The following P2RY14 variants were observed in gnomAD, a reference collection of about 807,000 sequenced individuals.
P2RY14 encodes the protein purinergic receptor P2Y14, also known as P2Y purinoceptor 14.
A neutral mutation model predicts 0.9 loss-of-function variants in P2RY14; 2 were observed. The ratio of observed to expected loss-of-function variants is 2.16; its 90% CI spans 0.88 to 6.79. P2RY14 has a LOEUF of 6.79. Among genes scored for constraint, P2RY14 ranks in the 30% most tolerant of loss-of-function variants. The probability of loss-of-function intolerance (pLI) is 0.05; values close to 1 mark genes in which losing one functional copy is unlikely to be tolerated. For missense variants in P2RY14, 378 were observed against 400.1 expected (o/e 0.94, Z 0.47); for synonymous variants, 158 against 147.2 (o/e 1.07, Z -0.53).
intron 1 of P2RY14, among the ~76,000 whole-genome samples, chr3:151,233,264 C>A (rs1272329975): frequency 6.6e-6 from 1 of 152,202 alleles, no homozygotes; most frequent in Non-Finnish European, 1.5e-5. Flanking sequence ...GCTACGCTGT[C>A]TTGTCATCTC....
At chr3:151,246,863 C>CCTA (rs1344888584) in intron 1 of P2RY14, among the ~76,000 whole-genome samples, 1 of 152,112 alleles carries the variant, frequency 6.6e-6, no homozygotes, top group African/African-American at 2.4e-5. Context: ...CTTTTCGCAA[C>CCTA]CTACTCATCT....
At chr3:151,242,196 G>A (rs1304528303) in intron 1 of P2RY14, among the ~76,000 whole-genome samples, 3 of 152,228 alleles carry the variant, frequency 2.0e-5, no homozygotes, top group Non-Finnish European at 2.9e-5. Context: ...ACGGCTGGGG[G>A]AGGGGCGCCC....
At chr3:151,227,302 C>G (rs1472029012) in intron 1 of P2RY14, among the ~76,000 whole-genome samples, 1 of 152,196 alleles carries the variant, frequency 6.6e-6, no homozygotes, top group East Asian at 1.9e-4. Flanking sequence ...AAATTCGGCC[C>G]TCTCTTGATT....
chr3:151,257,842 C>T (rs1351720212), intron 1 of P2RY14, among the ~76,000 whole-genome samples: 2 of 152,182 alleles, frequency 1.3e-5, no homozygotes, highest in African/African-American at 4.8e-5. Context: ...AGATGAGAGT[C>T]ACACAAATTT....
In P2RY14 at chr3:151,263,742, G is replaced by C. The variant is rs555556201; in HGVS notation, c.-133+14545C>G. ...ATTAAGAATGCAGGCTACAGGGTTG[G>C]AATTCCTGGATTCCCGTACCACCCC... On this transcript the variant is annotated intron_variant, in intron 1 of 2. Coordinates refer to ENST00000309170, the MANE Select transcript of P2RY14 (RefSeq NM_014879.4). 9.1e-5 allele frequency among the ~76,000 whole-genome samples: 12 copies of C among 131,804 alleles called. No individual in the cohort carries two copies. The South Asian group carries it at 2.9e-3, about 32-fold the overall frequency. The allele number at this position is 131,804 out of a possible 152,430, so 86.5% of individuals were successfully genotyped here.
chr3:151,250,727 G>A (rs6809692), intron 1 of P2RY14, among the ~76,000 whole-genome samples: 71,994 of 152,046 alleles, frequency 0.47, 17,400 homozygotes, highest in Middle Eastern at 0.61. Flanking sequence ...TGCTATGAAA[G>A]TGGGTATACA....
chr3:151,246,044 C>G (rs1393774521), intron 1 of P2RY14, among the ~76,000 whole-genome samples: 21 of 151,250 alleles, frequency 1.4e-4, no homozygotes, highest in Admixed American at 1.1e-3. Context: ...AATAAAATAC[C>G]TAGGAATCCA....
intron 1 of P2RY14, among the ~76,000 whole-genome samples, chr3:151,229,178 G>A (rs1731113054): frequency 6.6e-6 from 1 of 152,122 alleles, no homozygotes; most frequent in Admixed American, 6.5e-5. Flanking sequence ...GTACAGAAGT[G>A]ATTCCCATAT....
chr3:151,242,407 C>T (rs1241053817), intron 1 of P2RY14, among the ~76,000 whole-genome samples: 4 of 152,206 alleles, frequency 2.6e-5, no homozygotes, highest in South Asian at 2.1e-4. Context: ...GTGGTTCTCC[C>T]AGCACGCAGC....
chr3:151,275,249 C>A (rs113739348), intron 1 of P2RY14, among the ~76,000 whole-genome samples: 1 of 152,064 alleles, frequency 6.6e-6, no homozygotes, highest in Non-Finnish European at 1.5e-5. Context: ...GTACAGATCG[C>A]TTTGGGCCAA....
intron 1 of P2RY14, among the ~76,000 whole-genome samples, chr3:151,261,203 G>A (rs1057166569): frequency 7.2e-5 from 11 of 152,094 alleles, no homozygotes; most frequent in African/African-American, 2.7e-4. Flanking sequence ...GAATGAGACA[G>A]ATTAGAGAGG....
chr3:151,225,520 T>C (rs1474653610), intron 1 of P2RY14, among the ~76,000 whole-genome samples: 1 of 152,136 alleles, frequency 6.6e-6, no homozygotes, highest in East Asian at 1.9e-4. Context: ...GCTATCATGA[T>C]CTAATCATCT....
intron 1 of P2RY14, among the ~76,000 whole-genome samples, chr3:151,233,471 C>T (rs1268998885): frequency 3.9e-5 from 6 of 152,202 alleles, no homozygotes; most frequent in African/African-American, 7.2e-5. Context: ...TGATGGCTCC[C>T]GCCTGTAATC....
intron 1 of P2RY14, among the ~76,000 whole-genome samples, chr3:151,230,464 A>G (rs992170207): frequency 6.6e-5 from 10 of 152,184 alleles, no homozygotes; most frequent in African/African-American, 2.4e-4. Flanking sequence ...ATGTAAAAAA[A>G]TTCTGATAAA....
At chr3:151,255,272 G>T (rs1386085409) in intron 1 of P2RY14, among the ~76,000 whole-genome samples, 1 of 152,146 alleles carries the variant, frequency 6.6e-6, no homozygotes, top group Non-Finnish European at 1.5e-5. Context: ...TAAAAATGCT[G>T]TTTTGGGATT....
rs1463227195 is a variant in P2RY14 at position 151,214,353 on chromosome 3, G to C, written c.-24-13C>G. 6.4e-7 allele frequency: 1 copy of C among 1,570,700 alleles called. No homozygotes were observed. The highest frequency in any genetic ancestry group is 8.7e-7 in the Non-Finnish European group (1 of 1,151,394). ...TGAAGGCAGAGGCCTGAAAAGAGGTGTGAACTGGTCACTCATAGGGCACTT... is the reference window on the plus strand; with the variant it reads ...TGAAGGCAGAGGCCTGAAAAGAGGTCTGAACTGGTCACTCATAGGGCACTT... On this transcript the variant is annotated splice_polypyrimidine_tract_variant and intron_variant, in intron 2 of 2. Coordinates refer to ENST00000309170, the MANE Select transcript of P2RY14 (RefSeq NM_014879.4).
At chr3:151,265,822 T>G (rs752438434) in intron 1 of P2RY14, among the ~76,000 whole-genome samples, 2 of 152,114 alleles carry the variant, frequency 1.3e-5, no homozygotes, top group Non-Finnish European at 2.9e-5. Flanking sequence ...TCCCTGCAAA[T>G]TAAAGTCAGA....
At position 151,213,697 on chromosome 3, in the gene P2RY14, G is replaced by C; in HGVS notation, c.620C>G (p.Thr207Ser). 2.5e-6 allele frequency: 4 copies of C among 1,614,200 alleles called. No homozygotes were observed. The highest frequency in any genetic ancestry group is 2.2e-5 in the East Asian group (1 of 44,888). Reference sequence around the variant, plus strand: ...CTTAAAGATTTTCTTTGTGATAGCAGTATAGAAAACGATTAACAAAAGAAA... The same window carrying C: ...CTTAAAGATTTTCTTTGTGATAGCACTATAGAAAACGATTAACAAAAGAAA... The part of the protein sequence containing the change: ...IVFLLLIVFY[T>S]AITKKIFKSH... The change falls in exon 3 of 3, where the codon ACT becomes AGT. Residue 207 changes from threonine (T) to serine (S), a missense_variant. Physicochemically the swap from Thr to Ser is moderately conservative, Grantham distance 58 (BLOSUM62 1). Coordinates refer to ENST00000309170, the MANE Select transcript of P2RY14 (RefSeq NM_014879.4).
At chr3:151,251,840 T>C (rs1208109530) in intron 1 of P2RY14, among the ~76,000 whole-genome samples, 5 of 152,208 alleles carry the variant, frequency 3.3e-5, no homozygotes. Flanking sequence ...TGCTTCTCAG[T>C]CTTTATTATA....
Sources: gnomAD v4.1 joint callset for allele counts (sites outside exome capture counted in the v4.1 genomes callset) on GRCh38, gnomAD v4.1.1 for gene constraint, MANE v1.5 for transcripts, NCBI Gene and HGNC (gene_info 2026-07-23, HGNC 2026-07-21) for gene names.